RAB3GAP2: variants seen among roughly 807,000 people sequenced by gnomAD.
RAB3GAP2 encodes RAB3 GTPase activating non-catalytic protein subunit 2, also known as rab3 GTPase-activating protein non-catalytic subunit.
A neutral mutation model predicts 185.3 loss-of-function variants in RAB3GAP2; 87 were observed. The ratio of observed to expected loss-of-function variants is 0.47; its 90% CI spans 0.39 to 0.56. The LOEUF (loss-of-function observed/expected upper bound fraction) is 0.56, where lower values mean the gene tolerates loss of function less well. Among genes scored for constraint, RAB3GAP2 ranks in the 20% least tolerant of loss-of-function variants. RAB3GAP2 has a pLI of 0.00. For synonymous variants in RAB3GAP2, 554 were observed against 576.1 expected (o/e 0.96, Z 0.55); for missense variants, 1,492 against 1,638.2 (o/e 0.91, Z 1.54).
chr1:220,218,258 A>G (rs1347167445), intron 2 of RAB3GAP2, among the ~76,000 whole-genome samples: 1 of 152,022 alleles, frequency 6.6e-6, no homozygotes, highest in East Asian at 1.9e-4. Context: ...TACTTCTCCA[A>G]CTTTCTCTGT....
At chr1:220,219,922 AG>A (rs1005320777) in intron 2 of RAB3GAP2, among the ~76,000 whole-genome samples, 6 of 152,310 alleles carry the variant, frequency 3.9e-5, no homozygotes, top group African/African-American at 1.4e-4. Flanking sequence ...GTGGCTGACA[AG>A]ATGCAAGCTC....
At chr1:220,204,608 A>C (rs1024527101) in intron 8 of RAB3GAP2, among the ~76,000 whole-genome samples, 1 of 152,018 alleles carries the variant, frequency 6.6e-6, no homozygotes, top group Non-Finnish European at 1.5e-5. Context: ...ATTATATTTT[A>C]AGTTTTAGGG....
At chr1:220,191,611 G>A (rs1008382100) in intron 13 of RAB3GAP2, among the ~76,000 whole-genome samples, 5 of 151,966 alleles carry the variant, frequency 3.3e-5, no homozygotes, top group African/African-American at 1.2e-4. Context: ...CTGAGGTCAG[G>A]AGTTCGAGAC....
chr1:220,172,894 G>C (rs1658206151), intron 21 of RAB3GAP2, 152 bp from the exon 22 acceptor site: 1 of 644,140 alleles, frequency 1.6e-6, no homozygotes, highest in African/African-American at 1.8e-5. Flanking sequence ...TGTAATCTGA[G>C]AGGGAATATG....
chr1:220,184,792 G>C (rs1248953612), intron 18 of RAB3GAP2, among the ~76,000 whole-genome samples: 1 of 151,964 alleles, frequency 6.6e-6, no homozygotes, highest in Non-Finnish European at 1.5e-5. Context: ...TGAGGGGTGG[G>C]AGGGCTTTGT....
intron 31 of RAB3GAP2, among the ~76,000 whole-genome samples, chr1:220,155,983 C>T (rs1248795169): frequency 1.3e-5 from 2 of 151,100 alleles, no homozygotes; most frequent in African/African-American, 4.9e-5. Context: ...CAGAGTCTCA[C>T]TCTGTGGCCC....
chr1:220,185,836 T>A (rs145962841), intron 17 of RAB3GAP2, 95 bp from the exon 18 acceptor site: 1 of 869,582 alleles, frequency 1.1e-6, no homozygotes, highest in African/African-American at 1.7e-5. Flanking sequence ...CTACCCCAAA[T>A]TTCAAAGGGA....
At chr1:220,270,592 C>T (rs975864098) in intron 1 of RAB3GAP2, among the ~76,000 whole-genome samples, 5 of 152,228 alleles carry the variant, frequency 3.3e-5, no homozygotes, top group African/African-American at 1.2e-4. Context: ...CAGACCTTCA[C>T]AAGGTCCTGC....
chr1:220,265,483 GTATT>G (rs937654562), intron 1 of RAB3GAP2, among the ~76,000 whole-genome samples: 2 of 151,802 alleles, frequency 1.3e-5, no homozygotes, highest in Non-Finnish European at 2.9e-5. Context: ...CTCTATTCAT[GTATT>G]TATTTATTTA....
Position 220,167,617 on chromosome 1 carries a change from T to C in RAB3GAP2, c.2865A>G (p.Val955=). ...CTCTTTCTTCATTAGCCAGTTTTAA[T>C]ACTTCAGGGCTGAAGTCCTGTTTAA... The part of the protein sequence containing the change: ...WIFKQDFSPE[V]LKLANEERDA... Residue 955 remains valine (V), a synonymous_variant, in exon 25 of 35, where the codon GTA becomes GTG. Transcript: ENST00000358951. 4 of 1,614,152 alleles carry C rather than the reference T, an allele frequency of 2.5e-6. No homozygotes were observed. The highest frequency in any genetic ancestry group is 3.4e-6 in the Non-Finnish European group (4 of 1,179,974).
intron 2 of RAB3GAP2, chr1:220,219,495 G>A (rs1280845598): frequency 6.6e-6 from 1 of 152,170 alleles, no homozygotes; most frequent in East Asian, 1.9e-4. Context: ...TAAAATCAGG[G>A]GTCTGAGGAA....
intron 2 of RAB3GAP2, 89 bp from the exon 3 acceptor site, chr1:220,214,068 A>G (rs1240039602): frequency 5.5e-6 from 7 of 1,266,294 alleles, no homozygotes; most frequent in Admixed American, 1.9e-5. Flanking sequence ...AGAGGGAAGA[A>G]AAAAAAGAAA....
At chr1:220,170,553 A>G (rs1658155573) in intron 24 of RAB3GAP2, among the ~76,000 whole-genome samples, 1 of 152,148 alleles carries the variant, frequency 6.6e-6, no homozygotes, top group Non-Finnish European at 1.5e-5. Context: ...TTGCCATTCA[A>G]TCTATTGTGC....
At chr1:220,153,543 A>AACTAGC in intron 32 of RAB3GAP2, 137 bp from the exon 33 acceptor site, 1 of 753,942 alleles carries the variant, frequency 1.3e-6, no homozygotes, top group Admixed American at 2.3e-5. Flanking sequence ...AAAGGAACAC[A>AACTAGC]TCATTTAAAC....
At position 220,210,991 on chromosome 1, in the gene RAB3GAP2, G is replaced by A; in HGVS notation, c.398C>T (p.Thr133Ile). 1.2e-6 allele frequency: 2 copies of A among 1,613,564 alleles called. No individual in the cohort carries two copies. Among genetic ancestry groups the A allele is most frequent in the Non-Finnish European group, 1.7e-6 (2 of 1,179,856 alleles). Reference protein sequence around the residue: ...SLNVEEGECVTSALCIPLASQ... With the variant: ...SLNVEEGECVISALCIPLASQ... ...TGCTAGTGGGATACATAGAGCACTG[G>A]TTACACATTCCCTAAAAACAAAAAC... The change falls in exon 5 of 35, where the codon ACC becomes ATC. Residue 133 changes from threonine (T) to isoleucine (I), a missense_variant. Thr to Ile is a moderately conservative substitution (Grantham distance 89). Coordinates refer to ENST00000358951, the MANE Select transcript of RAB3GAP2 (RefSeq NM_012414.4).
intron 1 of RAB3GAP2, among the ~76,000 whole-genome samples, chr1:220,269,647 A>G (rs1364502116): frequency 6.6e-6 from 1 of 152,148 alleles, no homozygotes; most frequent in African/African-American, 2.4e-5. Context: ...ACTTGAACCC[A>G]GGAGGTGGAG....
chr1:220,179,951 C>T (rs976366500), intron 21 of RAB3GAP2, among the ~76,000 whole-genome samples: 1 of 152,054 alleles, frequency 6.6e-6, no homozygotes, highest in Non-Finnish European at 1.5e-5. Context: ...ATCACGAGGT[C>T]AAGAGATCGA....
intron 2 of RAB3GAP2, among the ~76,000 whole-genome samples, chr1:220,230,235 C>T (rs1239214146): frequency 1.3e-5 from 2 of 152,184 alleles, no homozygotes; most frequent in Non-Finnish European, 2.9e-5. Flanking sequence ...TTGTAATCCA[C>T]AGACTCAGTA....
At chr1:220,155,016 C>T (rs898996291) in intron 31 of RAB3GAP2, among the ~76,000 whole-genome samples, 9 of 152,198 alleles carry the variant, frequency 5.9e-5, no homozygotes, top group African/African-American at 1.7e-4. Context: ...TGAGCCACCG[C>T]GCCCAGCCTC....
Sources: allele counts gnomAD v4.1 joint callset (sites outside exome capture counted in the v4.1 genomes callset), GRCh38; gene constraint gnomAD v4.1.1; transcripts MANE v1.5; gene names NCBI Gene and HGNC (gene_info 2026-07-23, HGNC 2026-07-21).